Variants in HK1 observed in about 807,000 individuals in gnomAD.
The protein encoded by HK1 is hexokinase 1, also known as hexokinase-1.
HK1 carries 28 observed loss-of-function variants against 91.6 expected under a neutral mutation model. The observed-to-expected ratio is 0.31, with a 90% CI of 0.23 to 0.42. The LOEUF (loss-of-function observed/expected upper bound fraction) is 0.42. Ranked by LOEUF, HK1 falls within the 10% of genes least tolerant of loss-of-function variation. The pLI, the probability that HK1 is intolerant of heterozygous loss-of-function variation, is 1.00. For missense variants in HK1, 770 were observed against 1,219.8 expected (o/e 0.63, Z 5.49); for synonymous variants, 430 against 468.1 (o/e 0.92, Z 1.05).
intron 1 of HK1, among the ~76,000 whole-genome samples, 163 bp from the exon 2 acceptor site, chr10:69,343,664 C>T (rs1848401549): frequency 6.6e-6 from 1 of 152,310 alleles, no homozygotes; most frequent in Middle Eastern, 3.4e-3. Context: ...CAAGCCTGTT[C>T]TGGGTGACAT....
rs1839535880 is a variant in HK1, at chr10:69,384,483, T to G, written c.1719+2T>G. The G allele has an allele frequency of 6.2e-7, 1 of 1,613,730 alleles. No individual in the cohort carries two copies. ...ATCATGCAGGGCACTGGGGAAGAGG[T>G]GAGATTACAAAACCATAGTGCATGT... On this transcript the variant is annotated splice_donor_variant, in intron 11 of 17. Transcript: ENST00000359426. LOFTEE classifies it high-confidence loss of function.
At chr10:69,274,417 G>A (rs889585297) in intron 1 of HK1, among the ~76,000 whole-genome samples, 3 of 152,048 alleles carry the variant, frequency 2.0e-5, no homozygotes, top group African/African-American at 7.3e-5. Flanking sequence ...GGCCAACATG[G>A]TGAAACCTTG....
At chr10:69,275,103 C>T (rs929835649) in intron 1 of HK1, among the ~76,000 whole-genome samples, 3 of 151,770 alleles carry the variant, frequency 2.0e-5, no homozygotes, top group African/African-American at 7.3e-5. Context: ...CTATAGTGGA[C>T]ACAATGGTCT....
At chr10:69,314,910 C>A (rs1242160758), upstream of HK1, among the ~76,000 whole-genome samples, 1 of 152,182 alleles carries the variant, frequency 6.6e-6, no homozygotes, top group African/African-American at 2.4e-5. Context: ...ACGTGATCCT[C>A]CCACCTCAGC....
rs974697547 is a variant in HK1, at chr10:69,299,106, A to T, written c.-66-1663A>T. 4.0e-5 allele frequency among the ~76,000 whole-genome samples: 6 copies of T among 150,766 alleles called. No homozygotes were observed. The East Asian group carries it at 1.2e-3, about 29-fold the overall frequency. On this transcript the variant is annotated intron_variant, in intron 4 of 21. Transcript: ENST00000360289. ...AGGCGTGCGCCACCATGCCCGACCTATGTTTTTATTTTTTTTAAATGAAAG... is the reference window on the plus strand; with the variant it reads ...AGGCGTGCGCCACCATGCCCGACCTTTGTTTTTATTTTTTTTAAATGAAAG...
intron 1 of HK1, chr10:69,338,329 G>T (rs144877353): frequency 1.7e-5 from 20 of 1,185,676 alleles, no homozygotes; most frequent in Non-Finnish European, 2.1e-5. Context: ...GAGGGACCCA[G>T]CTCGGTGTCT....
chr10:69,292,265 G>T (rs1300995806), intron 3 of HK1: 4 of 386,906 alleles, frequency 1.0e-5, no homozygotes, highest in African/African-American at 8.4e-5. Context: ...TAGAGACAGG[G>T]TCTTGCTATG....
intron 1 of HK1, among the ~76,000 whole-genome samples, chr10:69,325,610 C>G (rs1847309776): frequency 6.6e-6 from 1 of 151,156 alleles, no homozygotes; most frequent in Non-Finnish European, 1.5e-5. Context: ...ACTGAAACCT[C>G]CATCTCGCGG....
upstream of HK1, chr10:69,316,139 G>T (rs539691919): frequency 6.1e-6 from 5 of 822,696 alleles, no homozygotes; most frequent in African/African-American, 8.3e-5. Context: ...AACAAATGGA[G>T]TGGACATGGT....
rs1050408525 is a variant in HK1 at position 69,401,577 on chromosome 10, C to T, written c.*442C>T. On this transcript the variant is annotated 3_prime_UTR_variant, in exon 18 of 18. Transcript: ENST00000359426. ...CACTGCCGGGCCTCCCTCCCGGGGG[C>T]ACTGCCTGAAGGCGAGTGTGGGCAT... 1 of 374,224 alleles carries T rather than the reference C, an allele frequency of 2.7e-6. No individual in the cohort carries two copies. Among genetic ancestry groups the T allele is most frequent in the Non-Finnish European group, 5.3e-6 (1 of 190,320 alleles). 23.2% of individuals were successfully genotyped at this position (374,224 alleles called of 1,614,324 possible). A position where few individuals can be genotyped will look rare whatever the true frequency, so the allele number is the denominator to read the frequency against.
intron 1 of HK1, among the ~76,000 whole-genome samples, chr10:69,277,503 G>A (rs1432736103): frequency 1.3e-5 from 2 of 152,138 alleles, no homozygotes; most frequent in Non-Finnish European, 1.5e-5. Context: ...GGGAGGTCGA[G>A]GCTGCAGTGA....
At chr10:69,365,424 C>T (rs1849651034) in intron 4 of HK1, among the ~76,000 whole-genome samples, 1 of 152,076 alleles carries the variant, frequency 6.6e-6, no homozygotes, top group Non-Finnish European at 1.5e-5. Context: ...TTTTTTCATT[C>T]GTTCATTCAT....
intron 1 of HK1, among the ~76,000 whole-genome samples, chr10:69,281,550 G>A (rs151022413): frequency 7.4e-4 from 113 of 152,284 alleles, no homozygotes; most frequent in Middle Eastern, 6.8e-3. Context: ...ATAGGAAGCC[G>A]TTCATGAACC....
intron 15 of HK1, 80 bp from the exon 16 acceptor site, chr10:69,394,870 C>T (rs1307043463): frequency 9.1e-6 from 13 of 1,423,236 alleles, no homozygotes; most frequent in South Asian, 3.5e-5. Context: ...GTAGGAGACG[C>T]GGAGTGACCG....
At chr10:69,330,020 C>G (rs1231047920) in intron 1 of HK1, among the ~76,000 whole-genome samples, 1 of 152,122 alleles carries the variant, frequency 6.6e-6, no homozygotes, top group African/African-American at 2.4e-5. Context: ...AGAGGACCCC[C>G]CAGGAGGGCA....
intron 1 of HK1, among the ~76,000 whole-genome samples, chr10:69,275,414 C>T (rs908713138): frequency 6.6e-6 from 1 of 151,252 alleles, no homozygotes; most frequent in Non-Finnish European, 1.5e-5. Context: ...TAAATTTGTA[C>T]ATTTGTAATT....
upstream of HK1, among the ~76,000 whole-genome samples, chr10:69,313,725 G>C (rs112980412): frequency 2.6e-5 from 4 of 152,062 alleles, no homozygotes; most frequent in African/African-American, 9.7e-5. Flanking sequence ...TCGAACTCCC[G>C]ACCAGATGAT....
At chr10:69,352,115 C>A (rs2132721968) in intron 2 of HK1, among the ~76,000 whole-genome samples, 1 of 152,052 alleles carries the variant, frequency 6.6e-6, no homozygotes, top group African/African-American at 2.4e-5. Flanking sequence ...GCCTCAGCCT[C>A]CTGAGTAGCT....
At chr10:69,381,494 A>AT (rs1589568961) in intron 9 of HK1, among the ~76,000 whole-genome samples, 1 of 150,032 alleles carries the variant, frequency 6.7e-6, no homozygotes, top group African/African-American at 2.5e-5. Context: ...TCACATTAGA[A>AT]TTTTTTTAGA....
Sources: gnomAD v4.1 joint callset for allele counts (sites outside exome capture counted in the v4.1 genomes callset) on GRCh38, gnomAD v4.1.1 for gene constraint, MANE v1.5 for transcripts, NCBI Gene and HGNC (gene_info 2026-07-23, HGNC 2026-07-21) for gene names.